Variants in RELT observed in about 807,000 individuals in gnomAD.
The protein encoded by RELT is RELT TNF receptor, also known as tumor necrosis factor receptor superfamily member 19L.
A neutral mutation model predicts 51.1 loss-of-function variants in RELT; 37 were observed. That is an observed-to-expected ratio of 0.72 (90% CI 0.56 to 0.95). The LOEUF (loss-of-function observed/expected upper bound fraction) is 0.95. Among genes scored for constraint, RELT ranks in the 40% least tolerant of loss-of-function variants. RELT has a pLI of 0.00. For missense variants in RELT, 535 were observed against 572.6 expected (o/e 0.93, Z 0.67); for synonymous variants, 241 against 235.7 (o/e 1.02, Z -0.21).
At chr11:73,392,800 A>G (rs1270066973) in intron 6 of RELT, 3 of 1,248,390 alleles carry the variant, frequency 2.4e-6, no homozygotes, top group South Asian at 1.8e-5. Flanking sequence ...GAGTTACTCA[A>G]GGTGACCTCT....
At chr11:73,380,911 A>G (rs1194719615) in intron 1 of RELT, among the ~76,000 whole-genome samples, 1 of 152,162 alleles carries the variant, frequency 6.6e-6, no homozygotes. Flanking sequence ...TTCTGGGCCT[A>G]GGCTTGGTGC....
At position 73,390,868 on chromosome 11, in the gene RELT, G is replaced by A; in HGVS notation, c.234G>A (p.Glu78=). 6.2e-7 allele frequency: 1 copy of A among 1,613,278 alleles called. No individual in the cohort carries two copies. Among genetic ancestry groups the A allele is most frequent in the Non-Finnish European group, 8.5e-7 (1 of 1,179,882 alleles). Residue 78 remains glutamate, a synonymous_variant, in exon 4 of 11, where the codon GAG becomes GAA. Coordinates refer to ENST00000064780, the MANE Select transcript of RELT (RefSeq NM_152222.2). The part of the protein sequence containing the change: ...HARCSLWRRL[E]AQVGMATRDT... ...GTTGCAGCCTTTGGAGGAGGCTGGA[G>A]GCCCAGGTGGGCATGGCAACTCGAG...
chr11:73,379,204 GTT>G (rs1417101553), intron 1 of RELT, among the ~76,000 whole-genome samples: 1 of 152,186 alleles, frequency 6.6e-6, no homozygotes, highest in Non-Finnish European at 1.5e-5. Context: ...CTGAGCCGGA[GTT>G]ATTTCCATCC....
intron 1 of RELT, chr11:73,384,753 C>T (rs1053305094): frequency 1.3e-5 from 2 of 152,314 alleles, no homozygotes; most frequent in Admixed American, 6.5e-5. Context: ...TCTGCCTTCT[C>T]CCCCAAATCA....
chr11:73,382,815 C>G (rs191958040), intron 1 of RELT, among the ~76,000 whole-genome samples: 3 of 152,156 alleles, frequency 2.0e-5, no homozygotes, highest in African/African-American at 7.2e-5. Context: ...CCTCTCTGCC[C>G]GAGATAACTG....
At chr11:73,391,102 G>C in intron 4 of RELT, 42 bp from the exon 5 acceptor site, 1 of 1,595,378 alleles carries the variant, frequency 6.3e-7, no homozygotes, top group Non-Finnish European at 8.6e-7. Context: ...GATAGTGTTT[G>C]GGGAAACTTC....
intron 5 of RELT, 35 bp downstream of exon 5, chr11:73,391,258 G>A: frequency 6.3e-7 from 1 of 1,587,864 alleles, no homozygotes; most frequent in Non-Finnish European, 8.6e-7. Context: ...CTGGTGCAGG[G>A]GTATGTGCGG....
Position 73,395,617 on chromosome 11 carries a change from A to G in RELT, c.*126A>G. 1.4e-6 allele frequency: 1 copy of G among 738,240 alleles called. No individual in the cohort carries two copies. Among genetic ancestry groups the G allele is most frequent in the Middle Eastern group, 3.1e-4 (1 of 3,240 alleles). The allele number at this position is 738,240 out of a possible 1,614,324, so 45.7% of individuals were successfully genotyped here. A position where few individuals can be genotyped will look rare whatever the true frequency, so the allele number is the denominator to read the frequency against. ...CAATGGCCCAGCAGACGAGACAGCA[A>G]AGACCAAGGCCTGGAGGTGGGAGCG... On this transcript the variant is annotated 3_prime_UTR_variant, in exon 11 of 11. Coordinates refer to ENST00000064780, the MANE Select transcript of RELT (RefSeq NM_152222.2).
At chr11:73,385,582 G>A (rs927452470) in intron 1 of RELT, among the ~76,000 whole-genome samples, 2 of 152,114 alleles carry the variant, frequency 1.3e-5, no homozygotes, top group South Asian at 4.1e-4. Flanking sequence ...TAAAACAGAC[G>A]TCCCTGCCCT....
intron 1 of RELT, among the ~76,000 whole-genome samples, chr11:73,377,912 G>A (rs1865995977): frequency 6.6e-6 from 1 of 152,136 alleles, no homozygotes; most frequent in Non-Finnish European, 1.5e-5. Flanking sequence ...GATAGGGTTG[G>A]AAGCACAGCC....
At chr11:73,385,740 T>C (rs546916662) in intron 1 of RELT, among the ~76,000 whole-genome samples, 1 of 152,246 alleles carries the variant, frequency 6.6e-6, no homozygotes, top group East Asian at 1.9e-4. Flanking sequence ...TTAAACCCCA[T>C]GACTGGCTGG....
intron 6 of RELT, chr11:73,392,805 A>C: frequency 8.2e-7 from 1 of 1,217,916 alleles, no homozygotes; most frequent in Non-Finnish European, 1.0e-6. Context: ...ACTCAAGGTG[A>C]CCTCTGACCT....
At chr11:73,379,516 C>T (rs1229530999) in intron 1 of RELT, among the ~76,000 whole-genome samples, 1 of 152,212 alleles carries the variant, frequency 6.6e-6, no homozygotes, top group Non-Finnish European at 1.5e-5. Flanking sequence ...CAGGCCCAAT[C>T]TCATTTCACA....
chr11:73,385,035 G>A (rs928319367), intron 1 of RELT, among the ~76,000 whole-genome samples: 74 of 152,044 alleles, frequency 4.9e-4, no homozygotes, highest in African/African-American at 1.4e-3. Context: ...GTGGGGGCGC[G>A]TCACGACGCC....
chr11:73,390,823 C>T lies in RELT; in HGVS notation c.189C>T (p.Ser63=), dbSNP rs1375443773. The change falls in exon 4 of 11, where the codon AGC becomes AGT. Residue 63 remains serine, a synonymous_variant. Coordinates refer to ENST00000064780, the MANE Select transcript of RELT (RefSeq NM_152222.2). ...PGTFSAAWGS[S]PCQPHARCSL... is the part of the protein sequence containing the mutation. Reference sequence around the variant, plus strand: ...CCTTCTCAGCTGCATGGGGCTCCAGCCCATGCCAGCCCCATGCCCGTTGCA... The same window carrying T: ...CCTTCTCAGCTGCATGGGGCTCCAGTCCATGCCAGCCCCATGCCCGTTGCA... 1 of 1,612,212 alleles carries T rather than the reference C, an allele frequency of 6.2e-7. No individual in the cohort carries two copies. The highest frequency in any genetic ancestry group is 8.5e-7 in the Non-Finnish European group (1 of 1,179,652).
At chr11:73,378,709 T>G (rs1866006219) in intron 1 of RELT, among the ~76,000 whole-genome samples, 1 of 152,230 alleles carries the variant, frequency 6.6e-6, no homozygotes, top group Non-Finnish European at 1.5e-5. Context: ...TCTGGAACAC[T>G]GGGGATGGGT....
At chr11:73,393,440 G>A in intron 6 of RELT, 1 of 1,194,662 alleles carries the variant, frequency 8.4e-7, no homozygotes. Context: ...CAGTAGAGAG[G>A]CCATGGAATA....
In RELT at chr11:73,391,113, T is replaced by C. The variant is rs767111926; in HGVS notation, c.288-31T>C. On this transcript the variant is annotated intron_variant, in intron 4 of 10. Transcript: ENST00000064780. ...TAAGGATAGTGTTTGGGGAAACTTC[T>C]GGGCCTCAGTGGTATCTTCCCTCCT... 1.7e-5 allele frequency: 27 copies of C among 1,606,008 alleles called. No homozygotes were observed. The South Asian group carries it at 3.0e-4, about 18-fold the overall frequency.
intron 5 of RELT, 136 bp downstream of exon 5, chr11:73,391,359 CCA>C: frequency 1.3e-6 from 1 of 770,430 alleles, no homozygotes; most frequent in South Asian, 1.8e-5. Context: ...GGGCGTGCAG[CCA>C]AAGGGTCTCC....
Sources: gnomAD v4.1 joint callset for allele counts (sites outside exome capture counted in the v4.1 genomes callset) on GRCh38, gnomAD v4.1.1 for gene constraint, MANE v1.5 for transcripts, NCBI Gene and HGNC (gene_info 2026-07-23, HGNC 2026-07-21) for gene names.